LRRC7: variants seen among roughly 807,000 people sequenced by gnomAD.
LRRC7 encodes the protein leucine-rich repeat-containing protein 7.
Under a neutral mutation model 175.7 loss-of-function variants are expected in LRRC7, and 23 were observed. The ratio of observed to expected loss-of-function variants is 0.13; its 90% CI spans 0.09 to 0.19. LRRC7 has a LOEUF of 0.19. Ranked by LOEUF, LRRC7 falls within the 10% of genes least tolerant of loss-of-function variation. The pLI is 1.00. For missense variants in LRRC7, 1,354 were observed against 1,904.7 expected, an observed-to-expected ratio of 0.71 and a Z score of 5.38; for synonymous variants, 685 against 680.9, an observed-to-expected ratio of 1.01 and a Z score of -0.09.
At chr1:69,994,350 T>G (rs1027432279) in intron 10 of LRRC7, among the ~76,000 whole-genome samples, 13 of 152,186 alleles carry the variant, frequency 8.5e-5, no homozygotes, top group Non-Finnish European at 1.5e-4. Context: ...ATTTATATTC[T>G]TGAACTGTCA....
At position 70,136,675 on chromosome 1, in the gene LRRC7, A is replaced by G. The variant is rs183774692; in HGVS notation, c.*14788A>G. Among the ~76,000 whole-genome samples the G allele has an allele frequency of 8.6e-4, 130 of 151,880 alleles. No individual in the cohort carries two copies. Among genetic ancestry groups the G allele is most frequent in the African/African-American group, 2.8e-3 (118 of 41,432 alleles). On this transcript the variant is annotated 3_prime_UTR_variant, in exon 27 of 27. Transcript: ENST00000651989. ...TATTGTCACCTTCTCTCACAGTTTA[A>G]TAAAATGGCAAATGCTTTCTTTCTG...
At chr1:69,747,613 G>A (rs1205771492) in intron 2 of LRRC7, among the ~76,000 whole-genome samples, 1 of 151,986 alleles carries the variant, frequency 6.6e-6, no homozygotes, top group African/African-American at 2.4e-5. Flanking sequence ...TTCAAATCTT[G>A]TTGCCTTTCA....
intron 4 of LRRC7, among the ~76,000 whole-genome samples, chr1:69,809,067 C>T (rs906892060): frequency 3.9e-5 from 6 of 151,932 alleles, no homozygotes; most frequent in Admixed American, 3.3e-4. Context: ...ATCAAATAGA[C>T]ACAATAAAAA....
At chr1:69,595,256 G>A (rs970713237) in intron 1 of LRRC7, among the ~76,000 whole-genome samples, 7 of 151,724 alleles carry the variant, frequency 4.6e-5, no homozygotes, top group Non-Finnish European at 1.0e-4. Flanking sequence ...CCTGTCTCTA[G>A]TAAAAATACA....
chr1:69,805,265 T>C (rs548052784), intron 4 of LRRC7, among the ~76,000 whole-genome samples: 7 of 151,772 alleles, frequency 4.6e-5, no homozygotes, highest in Non-Finnish European at 7.4e-5. Context: ...GGAGGCGGAC[T>C]TTTTTTCTCT....
chr1:69,607,949 G>A (rs140542392), intron 1 of LRRC7: 2 of 152,328 alleles, frequency 1.3e-5, no homozygotes, highest in African/African-American at 4.8e-5. Context: ...ATTACTGTTG[G>A]AGTCCATTTC....
At chr1:69,919,682 G>C (rs1428494492) in intron 7 of LRRC7, 1 of 965,416 alleles carries the variant, frequency 1.0e-6, no homozygotes, top group Non-Finnish European at 1.7e-6. Flanking sequence ...ACAATTCAGC[G>C]ACTGCAGCTC....
chr1:69,919,601 G>GA, intron 7 of LRRC7: 1 of 814,266 alleles, frequency 1.2e-6, no homozygotes, highest in East Asian at 2.5e-5. Flanking sequence ...CAAGGAGGAG[G>GA]CCCTGGAGCT....
chr1:70,021,143 C>T lies in LRRC7; in HGVS notation c.1545+14C>T, dbSNP rs778665744. 13 of 1,604,132 alleles carry T rather than the reference C, an allele frequency of 8.1e-6. No homozygotes were observed. Among genetic ancestry groups the T allele is most frequent in the Non-Finnish European group, 1.1e-5 (13 of 1,175,074 alleles). ...GGGAAAGTTAAGGTGAACCTTTTAG[C>T]TTTTGTTTCCTCTTTCTTCTCCTTA... On this transcript the variant is annotated intron_variant, in intron 16 of 26. Transcript: ENST00000651989.
chr1:70,001,266 T>C (rs1487801729), intron 11 of LRRC7, among the ~76,000 whole-genome samples: 1 of 152,210 alleles, frequency 6.6e-6, no homozygotes, highest in Non-Finnish European at 1.5e-5. Flanking sequence ...ACATTAATGA[T>C]GTTTGTAATG....
At chr1:69,915,541 T>C (rs1468342376) in intron 7 of LRRC7, among the ~76,000 whole-genome samples, 1 of 152,092 alleles carries the variant, frequency 6.6e-6, no homozygotes. Flanking sequence ...AAACAGGAAG[T>C]AGTTTAAACT....
At chr1:70,088,759 A>C (rs1663799512) in intron 24 of LRRC7, among the ~76,000 whole-genome samples, 2 of 151,900 alleles carry the variant, frequency 1.3e-5, no homozygotes. Context: ...GGTTTGTTAG[A>C]GTTTCTCTAG....
At chr1:70,066,824 G>A (rs776439335) in intron 23 of LRRC7, among the ~76,000 whole-genome samples, 1 of 151,990 alleles carries the variant, frequency 6.6e-6, no homozygotes, top group Admixed American at 6.6e-5. Context: ...TTCCAGAGTG[G>A]CTCTACCATT....
chr1:69,609,472 A>G (rs1648344482), intron 1 of LRRC7, among the ~76,000 whole-genome samples: 1 of 152,018 alleles, frequency 6.6e-6, no homozygotes, highest in Non-Finnish European at 1.5e-5. Flanking sequence ...AGGAAGAAAG[A>G]AAAAAATAAA....
chr1:69,930,376 T>C (rs1647256195), intron 7 of LRRC7, among the ~76,000 whole-genome samples: 1 of 152,216 alleles, frequency 6.6e-6, no homozygotes, highest in Non-Finnish European at 1.5e-5. Flanking sequence ...TAAGGTAATT[T>C]CTACATCCAT....
intron 1 of LRRC7, among the ~76,000 whole-genome samples, chr1:69,576,850 T>C (rs926458615): frequency 2.6e-5 from 4 of 152,188 alleles, no homozygotes; most frequent in Non-Finnish European, 5.9e-5. Context: ...AAAATCTGAA[T>C]GTCCTAAGTC....
intron 3 of LRRC7, among the ~76,000 whole-genome samples, chr1:69,774,340 T>C (rs1045486022): frequency 6.6e-6 from 1 of 152,104 alleles, no homozygotes; most frequent in African/African-American, 2.4e-5. Context: ...TTTTGAGCAT[T>C]TGGAGAAAAT....
At chr1:69,669,169 G>A (rs1658700883) in intron 1 of LRRC7, among the ~76,000 whole-genome samples, 1 of 152,014 alleles carries the variant, frequency 6.6e-6, no homozygotes, top group African/African-American at 2.4e-5. Flanking sequence ...TTACCAGTGA[G>A]TTTTGTACTT....
intron 3 of LRRC7, among the ~76,000 whole-genome samples, chr1:69,781,681 AAAAAAAG>A (rs1451392682): frequency 0.016 from 1,601 of 99,948 alleles, 57 homozygotes; most frequent in Middle Eastern, 0.065. Flanking sequence ...GACTGTCTCA[AAAAAAAG>A]AAGAAAGAAA....
Sources: allele counts gnomAD v4.1 joint callset (sites outside exome capture counted in the v4.1 genomes callset), GRCh38; gene constraint gnomAD v4.1.1; transcripts MANE v1.5; gene names NCBI Gene and HGNC (gene_info 2026-07-23, HGNC 2026-07-21).